Variants in SCPEP1 observed in about 807,000 individuals in gnomAD.
SCPEP1 encodes serine carboxypeptidase 1, also known as retinoid-inducible serine carboxypeptidase.
Under a neutral mutation model 63.8 loss-of-function variants are expected in SCPEP1, and 51 were observed. The ratio of observed to expected loss-of-function variants is 0.80; its 90% CI spans 0.64 to 1.01. The LOEUF (loss-of-function observed/expected upper bound fraction) is 1.01, where lower values mean the gene tolerates loss of function less well. Among genes scored for constraint, SCPEP1 ranks in the 50% least tolerant of loss-of-function variants. The pLI, the probability that SCPEP1 is intolerant of heterozygous loss-of-function variation, is 0.00. For synonymous variants in SCPEP1, 204 were observed against 207.8 expected (o/e 0.98, Z 0.16); for missense variants, 499 against 554.9 (o/e 0.90, Z 1.01).
At chr17:56,994,266 A>G in intron 6 of SCPEP1, among the ~76,000 whole-genome samples, 1 of 152,246 alleles carries the variant, frequency 6.6e-6, no homozygotes, top group East Asian at 1.9e-4. Context: ...AATGTGCTTT[A>G]TAAGTTGAGG....
Position 57,001,011 on chromosome 17 carries a change from AG to A in SCPEP1, c.1132+21del. 6.2e-7 allele frequency: 1 copy of A among 1,613,846 alleles called. No individual in the cohort carries two copies. Among genetic ancestry groups the A allele is most frequent in the Middle Eastern group, 1.7e-4 (1 of 6,058 alleles). Reference sequence around the variant, plus strand: ...ACCATGGGTAGGAATTGACTCTGAGAGGCACCTAGAGGCAGTTTTATGGGTT... The same window carrying A: ...ACCATGGGTAGGAATTGACTCTGAGAGCACCTAGAGGCAGTTTTATGGGTT... On this transcript the variant is annotated intron_variant, in intron 11 of 12. Coordinates refer to ENST00000262288, the MANE Select transcript of SCPEP1 (RefSeq NM_021626.3).
At chr17:56,994,934 G>A in intron 6 of SCPEP1, 47 bp from the exon 7 acceptor site, 2 of 1,540,490 alleles carry the variant, frequency 1.3e-6, no homozygotes, top group Non-Finnish European at 1.8e-6. Flanking sequence ...TCTTTGGAAA[G>A]ACAGAGGTAT....
At chr17:56,983,447 A>G (rs1399506618) in intron 2 of SCPEP1, 2 of 152,138 alleles carry the variant, frequency 1.3e-5, no homozygotes, top group Non-Finnish European at 2.9e-5. Context: ...GCTTTAATTT[A>G]TTGCATATTG....
intron 3 of SCPEP1, among the ~76,000 whole-genome samples, chr17:56,986,840 C>T (rs868117021): frequency 5.9e-5 from 9 of 152,214 alleles, no homozygotes; most frequent in East Asian, 1.9e-4. Flanking sequence ...CCACCGTGCG[C>T]GGCCTCTGGT....
chr17:56,991,326 G>A (rs1445956524), intron 6 of SCPEP1, among the ~76,000 whole-genome samples, 155 bp downstream of exon 6: 6 of 152,184 alleles, frequency 3.9e-5, no homozygotes, highest in African/African-American at 1.2e-4. Context: ...TAGAGACAGA[G>A]TGCCTACCAT....
At chr17:56,978,602 G>T (rs373435244) in intron 1 of SCPEP1, among the ~76,000 whole-genome samples, 2 of 151,944 alleles carry the variant, frequency 1.3e-5, no homozygotes, top group East Asian at 1.9e-4. Context: ...TGAAATCTGC[G>T]GTCAAAAGTA....
At chr17:57,004,404 C>T (rs1414392939) in intron 12 of SCPEP1, among the ~76,000 whole-genome samples, 2 of 152,058 alleles carry the variant, frequency 1.3e-5, no homozygotes, top group African/African-American at 2.4e-5. Flanking sequence ...GGAGAACAAA[C>T]AAGGCAGCAG....
At chr17:56,992,369 C>T (rs1332604206) in intron 6 of SCPEP1, among the ~76,000 whole-genome samples, 1 of 152,008 alleles carries the variant, frequency 6.6e-6, no homozygotes, top group East Asian at 1.9e-4. Flanking sequence ...GTCTTTCCTT[C>T]CTGGATGGAT....
Position 56,991,176 on chromosome 17 carries a change from G to T in SCPEP1, c.619+5G>T. On this transcript the variant is annotated splice_donor_5th_base_variant and intron_variant, in intron 6 of 12. Coordinates refer to ENST00000262288, the MANE Select transcript of SCPEP1 (RefSeq NM_021626.3). ...ATTCCTGGATCTCCCCTGTTGGTAAGTGTGGCATTTTCAGGCATTTTTTCA... is the reference window on the plus strand; with the variant it reads ...ATTCCTGGATCTCCCCTGTTGGTAATTGTGGCATTTTCAGGCATTTTTTCA... 6.2e-7 allele frequency: 1 copy of T among 1,612,908 alleles called. No homozygotes were observed. Among genetic ancestry groups the T allele is most frequent in the Non-Finnish European group, 8.5e-7 (1 of 1,178,882 alleles).
intron 12 of SCPEP1, 138 bp from the exon 13 acceptor site, chr17:57,006,035 G>A (rs1567871707): frequency 5.3e-6 from 3 of 565,830 alleles, no homozygotes; most frequent in Non-Finnish European, 3.2e-6. Context: ...CCCTCTCTCA[G>A]GGATGTGCCC....
In SCPEP1 at chr17:57,006,210, TGA is replaced by T; in HGVS notation, c.1337_1338del (p.Arg446ThrfsTer24). On this transcript the variant is annotated frameshift_variant, in exon 13 of 13. Transcript: ENST00000262288. LOFTEE classifies it high-confidence loss of function. ...CAAGGGGACATGGCTCTGAAGATGA[TGA>T]GACTGGTGACTCAGCAAGAATAGGA... The T allele has an allele frequency of 6.2e-7, 1 of 1,611,384 alleles. No homozygotes were observed. The highest frequency in any genetic ancestry group is 8.5e-7 in the Non-Finnish European group (1 of 1,178,864).
At chr17:57,000,020 T>C (rs1911691881) in intron 10 of SCPEP1, among the ~76,000 whole-genome samples, 1 of 147,582 alleles carries the variant, frequency 6.8e-6, no homozygotes, top group Non-Finnish European at 1.5e-5. Context: ...CGTGGTGGTG[T>C]GCATCTGTAG....
intron 7 of SCPEP1, 23 bp from the exon 8 acceptor site, chr17:56,995,484 T>C (rs1911518670): frequency 6.2e-7 from 1 of 1,606,002 alleles, no homozygotes. Context: ...AGTGGGTCTT[T>C]TTGCTCTTGG....
chr17:56,987,157 T>A (rs1911246443), intron 3 of SCPEP1: 1 of 152,394 alleles, frequency 6.6e-6, no homozygotes, highest in Non-Finnish European at 1.5e-5. Context: ...CTGGACTGTG[T>A]CATTATTCAG....
intron 12 of SCPEP1, among the ~76,000 whole-genome samples, chr17:57,005,523 A>G (rs910201507): frequency 6.6e-6 from 1 of 152,184 alleles, no homozygotes; most frequent in Non-Finnish European, 1.5e-5. Flanking sequence ...TGGGTGTGCC[A>G]TAGAGAATCA....
intron 3 of SCPEP1, chr17:56,987,434 C>A: frequency 2.7e-6 from 1 of 366,300 alleles, no homozygotes; most frequent in Non-Finnish European, 4.9e-6. Flanking sequence ...TATTTGATCC[C>A]CGTGTGTGTT....
chr17:57,002,286 C>T (rs561883577), intron 12 of SCPEP1, 105 bp downstream of exon 12: 83 of 1,045,844 alleles, frequency 7.9e-5, no homozygotes, highest in Middle Eastern at 4.2e-4. Context: ...GTAGGAAGTA[C>T]GAGGGCCCGA....
intron 10 of SCPEP1, among the ~76,000 whole-genome samples, chr17:57,000,014 G>T (rs1188570286): frequency 6.6e-6 from 1 of 151,598 alleles, no homozygotes; most frequent in Admixed American, 6.6e-5. Flanking sequence ...GCTGGGCGTG[G>T]TGGTGTGCAT....
intron 2 of SCPEP1, among the ~76,000 whole-genome samples, chr17:56,981,463 C>T (rs773423141): frequency 1.3e-5 from 2 of 152,056 alleles, no homozygotes; most frequent in African/African-American, 2.4e-5. Context: ...TATTTCCAGA[C>T]GGTCACAAGA....
Sources: allele counts gnomAD v4.1 joint callset (sites outside exome capture counted in the v4.1 genomes callset), GRCh38; gene constraint gnomAD v4.1.1; transcripts MANE v1.5; gene names NCBI Gene and HGNC (gene_info 2026-07-23, HGNC 2026-07-21).